TCF3: variants seen among roughly 807,000 people sequenced by gnomAD.
TCF3 encodes transcription factor 3, also known as transcription factor E2-alpha.
A neutral mutation model predicts 72.3 loss-of-function variants in TCF3; 54 were observed. That is an observed-to-expected ratio of 0.75 (90% CI 0.60 to 0.94). TCF3 has a LOEUF of 0.94. Among genes scored for constraint, TCF3 ranks in the 40% least tolerant of loss-of-function variants. The pLI is 0.00. For synonymous variants in TCF3, 525 were observed against 412.6 expected, an observed-to-expected ratio of 1.27 and a Z score of -3.30; for missense variants, 1,078 against 934.4, an observed-to-expected ratio of 1.15 and a Z score of -2.00.
intron 16 of TCF3, among the ~76,000 whole-genome samples, chr19:1,618,721 A>G (rs2061820022): frequency 6.6e-6 from 1 of 152,072 alleles, no homozygotes; most frequent in South Asian, 2.1e-4. Flanking sequence ...CTTCAAAGCC[A>G]TACAAAACCC....
At chr19:1,634,200 T>C (rs1007464580) in intron 3 of TCF3, among the ~76,000 whole-genome samples, 2 of 152,228 alleles carry the variant, frequency 1.3e-5, no homozygotes, top group Admixed American at 6.5e-5. Context: ...CCCACATTAA[T>C]ACAGTTATTA....
At position 1,626,435 on chromosome 19, in the gene TCF3, C is replaced by G. The variant is rs180756249; in HGVS notation, c.367-727G>C. Among the ~76,000 whole-genome samples the G allele has an allele frequency of 9.7e-4, 146 of 151,032 alleles. 2 individuals carry two copies. The Middle Eastern group carries it at 0.017, about 18-fold the overall frequency. On this transcript the variant is annotated intron_variant, in intron 6 of 18. Transcript: ENST00000262965. ...ATTGAACTCCAGCCTGGGCCATGAG[C>G]GAAACTCCGTCTCAAAAAAAAAAAA...
chr19:1,612,496 G>A, intron 18 of TCF3: 1 of 1,440,584 alleles, frequency 6.9e-7, no homozygotes, highest in Non-Finnish European at 9.6e-7. Context: ...GGGCAGGGCT[G>A]GGTTGTGGAG....
chr19:1,623,969 C>G lies in TCF3; in HGVS notation c.531G>C (p.Pro177=), dbSNP rs199702817. The G allele has an allele frequency of 1.2e-6, 2 of 1,613,468 alleles. No homozygotes were observed. The highest frequency in any genetic ancestry group is 1.7e-5 in the Admixed American group (1 of 60,008). The change falls in exon 8 of 19, where the codon CCG becomes CCC. Residue 177 remains proline, a synonymous_variant. Transcript: ENST00000262965. ...GACTCACCGAGGATGGAAGACCCGG[C>G]GGGACCTTCCGGACCTTCTTGGGCT... The part of the protein sequence containing the change: ...DTQPKKVRKV[P]PGLPSSVYPP...
chr19:1,650,500 C>T (rs1375760985), intron 1 of TCF3: 1 of 467,732 alleles, frequency 2.1e-6, no homozygotes, highest in Non-Finnish European at 3.8e-6. Context: ...AGAGTCCTCC[C>T]CAGAGACCAC....
chr19:1,629,513 G>A (rs546393118), intron 5 of TCF3, among the ~76,000 whole-genome samples: 30 of 152,126 alleles, frequency 2.0e-4, no homozygotes, highest in African/African-American at 2.4e-4. Context: ...CCTGGGCTAC[G>A]GAGGGGAACA....
At chr19:1,624,510 G>A (rs2062644251) in intron 7 of TCF3, among the ~76,000 whole-genome samples, 1 of 152,216 alleles carries the variant, frequency 6.6e-6, no homozygotes, top group African/African-American at 2.4e-5. Context: ...TTTGGAAAAC[G>A]AGGAGTTGGT....
In TCF3 at chr19:1,611,732, G is replaced by C. The variant is rs142145295; in HGVS notation, c.1940C>G (p.Ala647Gly). The C allele has an allele frequency of 4.8e-5, 77 of 1,613,546 alleles. No homozygotes were observed. The African/African-American group carries it at 9.4e-4, about 20-fold the overall frequency. Residue 647 changes from alanine (A) to glycine (G), a missense_variant, in exon 19 of 19, where the codon GCC (alanine) becomes GGC (glycine). Ala to Gly is a moderately conservative substitution (Grantham distance 60). Coordinates refer to ENST00000262965, the MANE Select transcript of TCF3 (RefSeq NM_003200.5). ...LSAPHPGLSEAHNPAGHM is the reference protein window; with the variant it reads ...LSAPHPGLSEGHNPAGHM ...TCACATGTGCCCGGCGGGGTTGTGG[G>C]CTTCGCTCAGGCCTGGGTGGGGAGC...
rs371449253 is a variant in TCF3 at position 1,619,155 on chromosome 19, G to T, written c.1406C>A (p.Pro469Gln). The change falls in exon 16 of 19, where the codon CCA becomes CAA. Residue 469 changes from proline (P) to glutamine (Q), a missense_variant. By Grantham distance (76) the Pro-to-Gln change is moderately conservative. Transcript: ENST00000262965. ...MHNHAALPSQ[P>Q]GTLPDLSRPP... ...CCGAGACAGGTCAGGGAGGGTGCCT[G>T]GCTGGCTGGGGAGGGCCGCGTGGTT... 1.9e-6 allele frequency: 3 copies of T among 1,600,062 alleles called. No individual in the cohort carries two copies. The highest frequency in any genetic ancestry group is 2.5e-6 in the Non-Finnish European group (3 of 1,179,760).
intron 3 of TCF3, among the ~76,000 whole-genome samples, chr19:1,645,297 G>A (rs78794298): frequency 0.02 from 3,063 of 152,116 alleles, 164 homozygotes; most frequent in East Asian, 0.16. Context: ...GAAAGATGCT[G>A]ATGTCCACAA....
intron 3 of TCF3, among the ~76,000 whole-genome samples, chr19:1,640,698 G>T (rs1028060051): frequency 6.6e-6 from 1 of 152,050 alleles, no homozygotes; most frequent in African/African-American, 2.4e-5. Flanking sequence ...CCAGCTACTA[G>T]GGAGGCTAGG....
chr19:1,633,999 C>T lies in TCF3; in HGVS notation c.146-1594G>A, dbSNP rs138647969. 2.2e-4 allele frequency among the ~76,000 whole-genome samples: 34 copies of T among 152,346 alleles called. No individual in the cohort carries two copies. The South Asian group carries it at 3.3e-3, about 15-fold the overall frequency. On this transcript the variant is annotated intron_variant, in intron 3 of 18. Coordinates refer to ENST00000262965, the MANE Select transcript of TCF3 (RefSeq NM_003200.5). ...CTGAGCAAACGGGAGGCTCCTGGCACCCCAGCCCTCATCCCCTGGAAGGCC... is the reference window on the plus strand; with the variant it reads ...CTGAGCAAACGGGAGGCTCCTGGCATCCCAGCCCTCATCCCCTGGAAGGCC...
At chr19:1,631,817 AG>A in intron 5 of TCF3, 1 of 1,230,048 alleles carries the variant, frequency 8.1e-7, no homozygotes, top group Non-Finnish European at 1.1e-6. Flanking sequence ...CTCTACGCTC[AG>A]GCGGGGAAGC....
chr19:1,632,385 A>T lies in TCF3; in HGVS notation c.166T>A (p.Ser56Thr), dbSNP rs1239595896. 6.3e-7 allele frequency: 1 copy of T among 1,596,468 alleles called. No homozygotes were observed. Among genetic ancestry groups the T allele is most frequent in the Admixed American group, 1.7e-5 (1 of 57,802 alleles). Residue 56 changes from serine to threonine, a missense_variant, in exon 4 of 19, where the codon TCA becomes ACA. Ser to Thr is a moderately conservative substitution (Grantham distance 58). Transcript: ENST00000262965. Reference protein sequence around the residue: ...GGSGLEDRPSSGSWGSGDQSS... With the variant: ...GGSGLEDRPSTGSWGSGDQSS... The stretch of plus-strand genomic sequence containing the variant: ...TGGTCGCCGCTGCCCCAGGAGCCTG[A>T]GCTGGGCCGGTCCTCAAGACCTGCA...
intron 2 of TCF3, among the ~76,000 whole-genome samples, chr19:1,648,662 TG>T (rs2145720813): frequency 6.6e-6 from 1 of 152,350 alleles, no homozygotes; most frequent in East Asian, 1.9e-4. Flanking sequence ...GCCCTTGGGC[TG>T]TTTTTTTCCG....
chr19:1,625,325 C>T (rs542469608), intron 7 of TCF3, among the ~76,000 whole-genome samples: 7 of 152,378 alleles, frequency 4.6e-5, no homozygotes, highest in South Asian at 2.1e-4. Flanking sequence ...AGCCCGTGCC[C>T]GTCAGCTGCA....
At chr19:1,621,798 T>A in intron 11 of TCF3, 40 bp downstream of exon 11, 1 of 1,532,580 alleles carries the variant, frequency 6.5e-7, no homozygotes, top group Non-Finnish European at 8.8e-7. Flanking sequence ...TGGAGCCCAG[T>A]GTCCCCTCGG....
intron 5 of TCF3, 93 bp from the exon 6 acceptor site, chr19:1,627,519 A>G: frequency 8.6e-7 from 1 of 1,156,556 alleles, no homozygotes; most frequent in South Asian, 1.3e-5. Flanking sequence ...ATAGGCTCTC[A>G]GTAAGTGCAC....
chr19:1,626,094 G>A (rs1218218528), intron 6 of TCF3, among the ~76,000 whole-genome samples: 7 of 152,138 alleles, frequency 4.6e-5, no homozygotes, highest in African/African-American at 2.4e-5. Context: ...AGTGTGAAAC[G>A]GGCTTTCTTC....
Sources: allele counts gnomAD v4.1 joint callset (sites outside exome capture counted in the v4.1 genomes callset), GRCh38; gene constraint gnomAD v4.1.1; transcripts MANE v1.5; gene names NCBI Gene and HGNC (gene_info 2026-07-23, HGNC 2026-07-21).